The following MPDZ variants were observed in gnomAD, a reference collection of about 807,000 sequenced individuals.
The protein encoded by MPDZ is multiple PDZ domain crumbs cell polarity complex component, also known as multiple PDZ domain protein.
Under a neutral mutation model 239.1 loss-of-function variants are expected in MPDZ, and 234 were observed. The observed-to-expected ratio is 0.98, with a 90% CI of 0.88 to 1.09. The LOEUF (loss-of-function observed/expected upper bound fraction) is 1.09, where lower values mean the gene tolerates loss of function less well. MPDZ is among the 50% of genes least tolerant of loss of function. MPDZ has a pLI of 0.00. For synonymous variants in MPDZ, 1,048 were observed against 881.3 expected, an observed-to-expected ratio of 1.19 and a Z score of -3.35; for missense variants, 3,175 against 2,510.0, an observed-to-expected ratio of 1.26 and a Z score of -5.66.
At chr9:13,195,387 AGTT>A (rs1955516581) in intron 13 of MPDZ, among the ~76,000 whole-genome samples, 1 of 152,164 alleles carries the variant, frequency 6.6e-6, no homozygotes, top group Non-Finnish European at 1.5e-5. Flanking sequence ...TATAAACGCT[AGTT>A]ATTAATATAT....
At position 13,193,151 on chromosome 9, in the gene MPDZ, C is replaced by T. The variant is rs750131815; in HGVS notation, c.1803+16G>A. On this transcript the variant is annotated intron_variant, in intron 14 of 46. Transcript: ENST00000319217. ...TGTCTTATTTAAGGAGGAGAAGGAA[C>T]AGCATAGCTCCTTACTTCCAATAGC... 6 of 1,496,066 alleles carry T rather than the reference C, an allele frequency of 4.0e-6. No homozygotes were observed. Among genetic ancestry groups the T allele is most frequent in the Middle Eastern group, 1.8e-4 (1 of 5,502 alleles). 92.7% of individuals were successfully genotyped at this position (1,496,066 alleles called of 1,614,324 possible).
intron 8 of MPDZ, among the ~76,000 whole-genome samples, chr9:13,218,898 T>TA (rs1958700479): frequency 6.6e-6 from 1 of 151,934 alleles, no homozygotes; most frequent in African/African-American, 2.4e-5. Flanking sequence ...TGAAATTCTC[T>TA]AGCTTTTTTC....
At chr9:13,162,603 CT>C in intron 23 of MPDZ, 87 bp downstream of exon 23, 1 of 678,462 alleles carries the variant, frequency 1.5e-6, no homozygotes, top group Non-Finnish European at 2.3e-6. Context: ...CAGACCTTTT[CT>C]TTGCTCTAGT....
chr9:13,112,914 T>A, intron 42 of MPDZ, 97 bp downstream of exon 42: 1 of 1,173,944 alleles, frequency 8.5e-7, no homozygotes, highest in Non-Finnish European at 1.2e-6. Flanking sequence ...CTTTTTGAGA[T>A]GAATACTTTA....
chr9:13,159,378 G>C (rs1023746133), intron 23 of MPDZ, among the ~76,000 whole-genome samples: 3 of 152,158 alleles, frequency 2.0e-5, no homozygotes, highest in Non-Finnish European at 4.4e-5. Flanking sequence ...GGCTCCTAGA[G>C]TCTAAGTCTG....
chr9:13,187,462 A>G (rs1037726784), intron 17 of MPDZ, among the ~76,000 whole-genome samples: 13 of 152,156 alleles, frequency 8.5e-5, no homozygotes, highest in Non-Finnish European at 1.8e-4. Flanking sequence ...CTGATAGCCT[A>G]TCTTTATTCT....
At chr9:13,237,611 T>C (rs1205121425) in intron 3 of MPDZ, among the ~76,000 whole-genome samples, 1 of 151,894 alleles carries the variant, frequency 6.6e-6, no homozygotes, top group Non-Finnish European at 1.5e-5. Flanking sequence ...AAAATCAAAC[T>C]ATGATTATAT....
chr9:13,199,949 C>A (rs1343678728), intron 12 of MPDZ, among the ~76,000 whole-genome samples: 1 of 152,000 alleles, frequency 6.6e-6, no homozygotes, highest in Non-Finnish European at 1.5e-5. Flanking sequence ...GTTTTAGAAT[C>A]AGGGCAAGGC....
At chr9:13,203,227 C>T (rs980263302) in intron 12 of MPDZ, among the ~76,000 whole-genome samples, 1 of 152,114 alleles carries the variant, frequency 6.6e-6, no homozygotes, top group Non-Finnish European at 1.5e-5. Context: ...AGGATGAACA[C>T]AGACTACAGG....
chr9:13,251,185 A>T (rs1967913003), intron 1 of MPDZ, among the ~76,000 whole-genome samples: 1 of 151,526 alleles, frequency 6.6e-6, no homozygotes, highest in African/African-American at 2.4e-5. Flanking sequence ...TGAATGTGAC[A>T]CTCAAGCAGT....
intron 32 of MPDZ, among the ~76,000 whole-genome samples, chr9:13,130,978 C>T (rs1199396306): frequency 1.3e-5 from 2 of 152,140 alleles, no homozygotes; most frequent in South Asian, 2.1e-4. Context: ...GTTATGGGAA[C>T]AGTTCAAAGT....
At chr9:13,143,688 G>A (rs1376380483) in intron 26 of MPDZ, 124 bp from the exon 27 acceptor site, 5 of 737,336 alleles carry the variant, frequency 6.8e-6, no homozygotes, top group African/African-American at 5.2e-5. Flanking sequence ...ATCAGATCCA[G>A]TCATTAATAG....
At chr9:13,114,966 C>G (rs1278490491) in intron 40 of MPDZ, among the ~76,000 whole-genome samples, 2 of 151,952 alleles carry the variant, frequency 1.3e-5, no homozygotes, top group Non-Finnish European at 2.9e-5. Flanking sequence ...GTAGGCTTTA[C>G]AATTAGGTAG....
chr9:13,223,562 C>G lies in MPDZ; in HGVS notation c.533+9G>C, dbSNP rs760547808. 16 of 1,598,730 alleles carry G rather than the reference C, an allele frequency of 1.0e-5. No individual in the cohort carries two copies. Among genetic ancestry groups the G allele is most frequent in the Non-Finnish European group, 1.3e-5 (15 of 1,173,778 alleles). On this transcript the variant is annotated intron_variant, in intron 5 of 46. Transcript: ENST00000319217. ...ATCAAAAACAAAGAAGACGCCGCGA[C>G]CATCTCACCTATGGGCCACACTGCC...
intron 12 of MPDZ, among the ~76,000 whole-genome samples, chr9:13,199,469 T>C (rs1168927092): frequency 1.3e-5 from 2 of 152,058 alleles, no homozygotes; most frequent in Admixed American, 1.3e-4. Context: ...ACTTATCTCT[T>C]TCCAATCTGG....
intron 24 of MPDZ, among the ~76,000 whole-genome samples, chr9:13,153,377 T>C (rs1482491020): frequency 1.3e-5 from 2 of 152,178 alleles, no homozygotes; most frequent in Non-Finnish European, 2.9e-5. Flanking sequence ...CATTCATTGT[T>C]TTCTCTTACT....
chr9:13,138,947 T>G (rs755699786), intron 28 of MPDZ, among the ~76,000 whole-genome samples: 4 of 152,194 alleles, frequency 2.6e-5, no homozygotes, highest in African/African-American at 4.8e-5. Context: ...TTTATGCCAT[T>G]ACATTTTGGG....
chr9:13,267,470 A>C (rs1972040051), intron 1 of MPDZ, among the ~76,000 whole-genome samples: 1 of 152,150 alleles, frequency 6.6e-6, no homozygotes, highest in Middle Eastern at 3.2e-3. Flanking sequence ...CTATGCTGTA[A>C]AGTACAGAGC....
intron 22 of MPDZ, among the ~76,000 whole-genome samples, chr9:13,164,971 T>C (rs984213668): frequency 1.5e-4 from 23 of 152,142 alleles, no homozygotes; most frequent in Non-Finnish European, 2.9e-5. Context: ...AAACTAACTT[T>C]TGGATACACA....
Sources: allele counts gnomAD v4.1 joint callset (sites outside exome capture counted in the v4.1 genomes callset), GRCh38; gene constraint gnomAD v4.1.1; transcripts MANE v1.5; gene names NCBI Gene and HGNC (gene_info 2026-07-23, HGNC 2026-07-21).